PHACTR3: variants seen among roughly 807,000 people sequenced by gnomAD.
PHACTR3 encodes protein phosphatase 1, regulatory subunit 123.
Under a neutral mutation model 66.8 loss-of-function variants are expected in PHACTR3, and 16 were observed. That is an observed-to-expected ratio of 0.24 (90% CI 0.16 to 0.36). The LOEUF is 0.36. PHACTR3 is among the 10% of genes least tolerant of loss of function. PHACTR3 has a pLI of 1.00. For synonymous variants in PHACTR3, 323 were observed against 292.1 expected (o/e 1.11, Z -1.08); for missense variants, 647 against 719.9 (o/e 0.90, Z 1.16).
At chr20:59,768,064 G>C (rs1206246830) in intron 5 of PHACTR3, among the ~76,000 whole-genome samples, 2 of 152,222 alleles carry the variant, frequency 1.3e-5, no homozygotes, top group African/African-American at 4.8e-5. Flanking sequence ...AGCAGACATT[G>C]GTGGTCAGAT....
At chr20:59,805,131 A>G (rs944788621) in intron 7 of PHACTR3, among the ~76,000 whole-genome samples, 1 of 152,098 alleles carries the variant, frequency 6.6e-6, no homozygotes, top group African/African-American at 2.4e-5. Context: ...CACATTTCCT[A>G]GTGCACTAAG....
At chr20:59,612,417 G>A (rs1057106401) in intron 1 of PHACTR3, among the ~76,000 whole-genome samples, 7 of 151,394 alleles carry the variant, frequency 4.6e-5, no homozygotes, top group African/African-American at 1.7e-4. Context: ...CTGGAGTGCA[G>A]TGACGCCATC....
chr20:59,579,781 C>T (rs1236560247), intron 1 of PHACTR3, among the ~76,000 whole-genome samples: 2 of 152,202 alleles, frequency 1.3e-5, no homozygotes, highest in Non-Finnish European at 2.9e-5. Context: ...GCACTGGGGG[C>T]TGATAGGACC....
intron 9 of PHACTR3, among the ~76,000 whole-genome samples, chr20:59,837,519 AAAAT>A (rs1336896762): frequency 6.6e-6 from 1 of 152,216 alleles, no homozygotes; most frequent in Non-Finnish European, 1.5e-5. Flanking sequence ...TAGATTGTTG[AAAAT>A]AACCCTCAGA....
At chr20:59,803,525 T>C (rs374513071) in intron 7 of PHACTR3, among the ~76,000 whole-genome samples, 4 of 152,252 alleles carry the variant, frequency 2.6e-5, no homozygotes, top group African/African-American at 2.4e-5. Flanking sequence ...TTTATTTTAA[T>C]ATATATTTAC....
At chr20:59,804,551 G>A (rs1326090593) in intron 7 of PHACTR3, among the ~76,000 whole-genome samples, 4 of 152,144 alleles carry the variant, frequency 2.6e-5, no homozygotes, top group Admixed American at 2.0e-4. Context: ...GAATGTCACC[G>A]TCGCATTCAG....
At chr20:59,680,891 G>A (rs150991273) in intron 1 of PHACTR3, among the ~76,000 whole-genome samples, 97 of 152,190 alleles carry the variant, frequency 6.4e-4, no homozygotes, top group African/African-American at 2.2e-3. Context: ...GGCCACTCCC[G>A]GATTCCCTAG....
At position 59,735,245 on chromosome 20, in the gene PHACTR3, G is replaced by A. The variant is rs898842037; in HGVS notation, c.119-7862G>A. Among the ~76,000 whole-genome samples, 10 of 152,144 alleles carry A rather than the reference G, an allele frequency of 6.6e-5. No individual in the cohort carries two copies. In the South Asian group the frequency reaches 8.4e-4, roughly 13 times the overall value. On this transcript the variant is annotated intron_variant, in intron 1 of 12. Transcript: ENST00000371015. Reference sequence around the variant, plus strand: ...CATAAATACATGAGCTTCATGCAGCGGGAAACTGCAGGCATGTTGATGGAA... The same window carrying A: ...CATAAATACATGAGCTTCATGCAGCAGGAAACTGCAGGCATGTTGATGGAA...
At chr20:59,686,784 G>GGTGATGATT (rs2036895125) in intron 1 of PHACTR3, among the ~76,000 whole-genome samples, 1 of 149,914 alleles carries the variant, frequency 6.7e-6, no homozygotes, top group Non-Finnish European at 1.5e-5. Flanking sequence ...TGATGATGGT[G>GGTGATGATT]ATGATGATGG....
rs182836532 is a variant in PHACTR3, at chr20:59,645,938, T to G, written c.118+40806T>G. Among the ~76,000 whole-genome samples, 5 of 152,276 alleles carry G rather than the reference T, an allele frequency of 3.3e-5. No individual in the cohort carries two copies. In the East Asian group the frequency reaches 9.7e-4, roughly 29 times the overall value. On this transcript the variant is annotated intron_variant, in intron 1 of 12. Transcript: ENST00000371015. ...GCTGTTGAGCCTGGGGCCTCTGCCCTCTGCTGGTCACTATCATCACACAGC... is the reference window on the plus strand; with the variant it reads ...GCTGTTGAGCCTGGGGCCTCTGCCCGCTGCTGGTCACTATCATCACACAGC...
At chr20:59,759,109 G>T (rs939732849) in intron 4 of PHACTR3, among the ~76,000 whole-genome samples, 48 of 152,154 alleles carry the variant, frequency 3.2e-4, no homozygotes, top group African/African-American at 1.2e-3. Context: ...CTCCCAGAGA[G>T]GCCATCTCTC....
chr20:59,581,660 T>C (rs1254416349), intron 1 of PHACTR3, among the ~76,000 whole-genome samples: 1 of 152,078 alleles, frequency 6.6e-6, no homozygotes, highest in African/African-American at 2.4e-5. Flanking sequence ...GGCCAGCAGA[T>C]CACGAGGTCA....
rs1334185672 is a variant in PHACTR3, at chr20:59,604,646, AC to A, written c.-364del. On this transcript the variant is annotated 5_prime_UTR_variant, in exon 1 of 13. Coordinates refer to ENST00000371015, the MANE Select transcript of PHACTR3 (RefSeq NM_080672.5). ...GCGCCCCCAGACATTCCAGGACATC[AC>A]CCCCTGCCCCAAGCACGCAATAAAC... 3.0e-6 allele frequency: 3 copies of A among 986,310 alleles called. No homozygotes were observed. Among genetic ancestry groups the A allele is most frequent in the Admixed American group, 6.1e-5 (1 of 16,292 alleles). 61.1% of individuals were successfully genotyped at this position (986,310 alleles called of 1,614,324 possible). A position where few individuals can be genotyped will look rare whatever the true frequency, so the allele number is the denominator to read the frequency against.
intron 1 of PHACTR3, among the ~76,000 whole-genome samples, chr20:59,689,535 C>G (rs1343820785): frequency 6.6e-6 from 1 of 152,202 alleles, no homozygotes; most frequent in Non-Finnish European, 1.5e-5. Context: ...CATCCACTGT[C>G]CCCTCCCATC....
At chr20:59,581,293 G>C (rs1389385925) in intron 1 of PHACTR3, among the ~76,000 whole-genome samples, 1 of 152,212 alleles carries the variant, frequency 6.6e-6, no homozygotes, top group African/African-American at 2.4e-5. Context: ...CCGGCAGCTC[G>C]AGAAGGCCCT....
In PHACTR3 at chr20:59,783,756, C is replaced by A. The variant is rs181662303; in HGVS notation, c.1174+9266C>A. Reference sequence around the variant, plus strand: ...ACAGTGATACAAGCCAGGGTCCCAGCCCGCAGGTGCCTGCAGCAAGGGGGA... The same window carrying A: ...ACAGTGATACAAGCCAGGGTCCCAGACCGCAGGTGCCTGCAGCAAGGGGGA... On this transcript the variant is annotated intron_variant, in intron 7 of 12. Transcript: ENST00000371015. Among the ~76,000 whole-genome samples the A allele has an allele frequency of 4.6e-5, 7 of 152,330 alleles. No homozygotes were observed. In the East Asian group the frequency reaches 9.7e-4, roughly 21 times the overall value.
intron 4 of PHACTR3, among the ~76,000 whole-genome samples, chr20:59,761,465 A>G (rs913797633): frequency 8.5e-5 from 13 of 152,284 alleles, no homozygotes; most frequent in African/African-American, 3.1e-4. Flanking sequence ...CACCACATCC[A>G]TCCTTGGGCT....
chr20:59,684,945 C>G (rs573316714), intron 1 of PHACTR3, among the ~76,000 whole-genome samples: 2 of 152,240 alleles, frequency 1.3e-5, no homozygotes, highest in South Asian at 4.1e-4. Context: ...CCTTGGCTTC[C>G]CATGGCTCAG....
intron 1 of PHACTR3, among the ~76,000 whole-genome samples, chr20:59,623,996 G>A (rs564613575): frequency 6.6e-6 from 1 of 152,286 alleles, no homozygotes; most frequent in African/African-American, 2.4e-5. Flanking sequence ...TTTCCCAAGA[G>A]AGGAAATGGA....
Sources: gnomAD v4.1 joint callset for allele counts (sites outside exome capture counted in the v4.1 genomes callset) on GRCh38, gnomAD v4.1.1 for gene constraint, MANE v1.5 for transcripts, NCBI Gene and HGNC (gene_info 2026-07-23, HGNC 2026-07-21) for gene names.